UGT2B11: variants seen among roughly 807,000 people sequenced by gnomAD.
UGT2B11 encodes the protein UDP-glucuronosyltransferase 2B11.
In UGT2B11, 49 loss-of-function variants were observed where a neutral mutation model predicts 51.7. The ratio of observed to expected loss-of-function variants is 0.95; its 90% CI spans 0.75 to 1.20. UGT2B11 has a LOEUF of 1.20. Among genes scored for constraint, UGT2B11 ranks in the 50% most tolerant of loss-of-function variants. UGT2B11 has a pLI of 0.00. For synonymous variants in UGT2B11, 273 were observed against 209.0 expected, an observed-to-expected ratio of 1.31 and a Z score of -2.64; for missense variants, 810 against 622.1, an observed-to-expected ratio of 1.30 and a Z score of -3.21.
the UGT2B11 span, among the ~76,000 whole-genome samples, chr4:69,224,576 A>G: frequency 6.6e-6 from 1 of 152,040 alleles, no homozygotes; most frequent in Non-Finnish European, 1.5e-5. Context: ...ACAGAATTGC[A>G]AGCCAAAGAG....
At chr4:69,215,995 T>A (rs1722262592), upstream of UGT2B11, 1 of 152,056 alleles carries the variant, frequency 6.6e-6, no homozygotes, top group Non-Finnish European at 1.5e-5. Flanking sequence ...AACAGATTTT[T>A]CACCTTTCTA....
chr4:69,214,785 TAAATC>T (rs1332580787), upstream of UGT2B11: 16 of 1,550,176 alleles, frequency 1.0e-5, no homozygotes, highest in Middle Eastern at 5.2e-4. Context: ...TATACAGAGA[TAAATC>T]AATCAAGTTA....
At chr4:69,218,808 G>C (rs563216238), upstream of UGT2B11, among the ~76,000 whole-genome samples, 7 of 152,138 alleles carry the variant, frequency 4.6e-5, no homozygotes, top group African/African-American at 1.7e-4. Context: ...TTCTTATATA[G>C]GAGTTGTCTC....
At chr4:69,212,778 C>T in intron 1 of UGT2B11, 57 bp from the exon 2 acceptor site, 1 of 1,551,570 alleles carries the variant, frequency 6.4e-7, no homozygotes, top group Non-Finnish European at 8.6e-7. Context: ...CTTTACATAC[C>T]TTTCTGAAAA....
intron 2 of UGT2B11, among the ~76,000 whole-genome samples, chr4:69,209,145 T>C (rs1223148800): frequency 6.6e-6 from 1 of 151,720 alleles, no homozygotes; most frequent in East Asian, 1.9e-4. Context: ...TGATTTGGAA[T>C]TTTTATGAAT....
the UGT2B11 span, among the ~76,000 whole-genome samples, chr4:69,223,270 G>T: frequency 1.3e-5 from 2 of 152,106 alleles, no homozygotes; most frequent in South Asian, 4.1e-4. Flanking sequence ...TCTTAAGGGA[G>T]TGTCCGGTTT....
chr4:69,217,650 GCCAATTC>G (rs1283307886), upstream of UGT2B11, among the ~76,000 whole-genome samples: 2 of 151,964 alleles, frequency 1.3e-5, no homozygotes, highest in South Asian at 2.1e-4. Flanking sequence ...GATTTTGAAG[GCCAATTC>G]TCCTCATTTC....
In UGT2B11 at chr4:69,208,380, C is replaced by G; in HGVS notation, c.973G>C (p.Ala325Pro). ...NMTAERANVI[A>P]TALAKIPQKV... ...TGTGGGATCTTGGCAAGGGCTGTTG[C>G]AATTACATTGGCCCTTTCTGCTGTC... The change falls in exon 3 of 6, where the codon GCA becomes CCA. Residue 325 changes from alanine to proline, a missense_variant. Transcript: ENST00000446444. The G allele has an allele frequency of 6.2e-7, 1 of 1,611,136 alleles. No homozygotes were observed. Among genetic ancestry groups the G allele is most frequent in the Non-Finnish European group, 8.5e-7 (1 of 1,178,136 alleles).
At chr4:69,214,965 C>A (rs1577968142), upstream of UGT2B11, 2 of 567,578 alleles carry the variant, frequency 3.5e-6, no homozygotes, top group African/African-American at 3.8e-5. Flanking sequence ...AATGACCTTG[C>A]AAGTACCCTG....
chr4:69,202,917 A>T (rs867867168), intron 5 of UGT2B11, among the ~76,000 whole-genome samples: 4 of 151,758 alleles, frequency 2.6e-5, no homozygotes, highest in Middle Eastern at 3.4e-3. Context: ...CTTACACAAA[A>T]ACTTTATTGA....
At chr4:69,211,332 A>G (rs991537330) in intron 2 of UGT2B11, among the ~76,000 whole-genome samples, 19 of 151,666 alleles carry the variant, frequency 1.3e-4, no homozygotes, top group African/African-American at 4.6e-4. Flanking sequence ...GTAGAATTTT[A>G]GAATTTCAAC....
At chr4:69,212,864 ATAT>A (rs1298467192) in intron 1 of UGT2B11, 143 bp from the exon 2 acceptor site, 2 of 739,524 alleles carry the variant, frequency 2.7e-6, no homozygotes, top group Non-Finnish European at 3.6e-6. Flanking sequence ...TATGAATAAT[ATAT>A]TATTATGTAT....
chr4:69,214,990 C>G (rs10007579), upstream of UGT2B11: 1 of 412,420 alleles, frequency 2.4e-6, no homozygotes, highest in Non-Finnish European at 4.2e-6. Flanking sequence ...ATGTAACCTA[C>G]TTTATAATAG....
At chr4:69,222,878 CT>C in the UGT2B11 span, among the ~76,000 whole-genome samples, 1 of 152,172 alleles carries the variant, frequency 6.6e-6, no homozygotes, top group Admixed American at 6.5e-5. Flanking sequence ...TTTAAGTTCT[CT>C]TTCCGATGCA....
Position 69,200,312 on chromosome 4 carries a change from A to ATTTTTTTTTTTTTT in UGT2B11, c.*114_*127dup, listed in dbSNP as rs11340393. On this transcript the variant is annotated 3_prime_UTR_variant, in exon 6 of 6. Transcript: ENST00000446444. ...TTTACTTGACAAGGTAGATTTGAAA[A>ATTTTTTTTTTTTTT]TTTTTTTTTTTTTTTTTTTTTTGTC... 3 of 818,932 alleles carry ATTTTTTTTTTTTTT rather than the reference A, an allele frequency of 3.7e-6. No individual in the cohort carries two copies. The highest frequency in any genetic ancestry group is 2.2e-5 in the African/African-American group (1 of 45,364). 50.7% of individuals were successfully genotyped at this position (818,932 alleles called of 1,614,324 possible).
Position 69,200,509 on chromosome 4 carries a change from G to A in UGT2B11, c.1521C>T (p.Ile507=). The change falls in exon 6 of 6, where the codon ATC becomes ATT. Residue 507 remains isoleucine, a synonymous_variant. Transcript: ENST00000446444. Reference sequence around the variant, plus strand: ...AACAAAACAGACAAAACTTTGTGATGATAAATATCACAGTTGCCACACAGG... The same window carrying A: ...AACAAAACAGACAAAACTTTGTGATAATAAATATCACAGTTGCCACACAGG... ...LLACVATVIF[I]ITKFCLFCFW... is the part of the protein sequence containing the mutation. 1.2e-6 allele frequency: 2 copies of A among 1,611,942 alleles called. No individual in the cohort carries two copies. The highest frequency in any genetic ancestry group is 1.7e-6 in the Non-Finnish European group (2 of 1,178,806).
intron 3 of UGT2B11, among the ~76,000 whole-genome samples, chr4:69,207,116 A>C (rs1280521428): frequency 1.3e-5 from 2 of 151,618 alleles, no homozygotes; most frequent in Non-Finnish European, 3.0e-5. Flanking sequence ...TCATGAATAA[A>C]AATAAAGCTA....
chr4:69,214,345 G>A lies in UGT2B11; in HGVS notation c.378C>T (p.Phe126=), dbSNP rs1722190299. 14 of 1,612,632 alleles carry A rather than the reference G, an allele frequency of 8.7e-6. No individual in the cohort carries two copies. Among genetic ancestry groups the A allele is most frequent in the Admixed American group, 3.3e-5 (2 of 59,784 alleles). ...LWELYDIFRN[F]CKDVVSNKKV... is the part of the protein sequence containing the mutation. ...TCTTATTTGAAACTACATCTTTACAGAAGTTTCTAAATATGTCATATAATT... is the reference window on the plus strand; with the variant it reads ...TCTTATTTGAAACTACATCTTTACAAAAGTTTCTAAATATGTCATATAATT... The change falls in exon 1 of 6, where the codon TTC becomes TTT. Residue 126 remains phenylalanine, a synonymous_variant. Transcript: ENST00000446444.
upstream of UGT2B11, among the ~76,000 whole-genome samples, chr4:69,218,803 A>C (rs543306445): frequency 6.6e-6 from 1 of 152,054 alleles, no homozygotes; most frequent in Non-Finnish European, 1.5e-5. Flanking sequence ...AGTTTTTCTT[A>C]TATAGGAGTT....
Sources: gnomAD v4.1 joint callset for allele counts (sites outside exome capture counted in the v4.1 genomes callset) on GRCh38, gnomAD v4.1.1 for gene constraint, MANE v1.5 for transcripts, NCBI Gene and HGNC (gene_info 2026-07-23, HGNC 2026-07-21) for gene names.